The following EFCAB5 variants were observed in gnomAD, a reference collection of about 807,000 sequenced individuals.
EFCAB5 encodes the protein EF-hand calcium-binding domain-containing protein 5.
In EFCAB5, 131 loss-of-function variants were observed where a neutral mutation model predicts 167.9. That is an observed-to-expected ratio of 0.78 (90% CI 0.68 to 0.90). The LOEUF is 0.90. Ranked by LOEUF, EFCAB5 falls within the 40% of genes least tolerant of loss-of-function variation. The pLI, the probability that EFCAB5 is intolerant of heterozygous loss-of-function variation, is 0.00. For synonymous variants in EFCAB5, 574 were observed against 602.8 expected (o/e 0.95, Z 0.70); for missense variants, 1,663 against 1,745.2 (o/e 0.95, Z 0.84).
intron 22 of EFCAB5, among the ~76,000 whole-genome samples, chr17:30,096,888 C>T (rs1811639261): frequency 6.8e-6 from 1 of 147,754 alleles, no homozygotes; most frequent in South Asian, 2.1e-4. Context: ...CCATGTTGAC[C>T]AGGCTGGTCT....
chr17:30,068,435 C>A (rs1434686530), intron 14 of EFCAB5, among the ~76,000 whole-genome samples: 1 of 151,840 alleles, frequency 6.6e-6, no homozygotes, highest in Admixed American at 6.6e-5. Flanking sequence ...ATAAATATAA[C>A]CAGGGAGGTG....
chr17:29,967,848 T>C (rs1386034641), intron 3 of EFCAB5, among the ~76,000 whole-genome samples: 1 of 151,826 alleles, frequency 6.6e-6, no homozygotes, highest in Non-Finnish European at 1.5e-5. Flanking sequence ...AATATACATG[T>C]GTGGTAGACT....
chr17:30,092,089 G>A lies in EFCAB5; in HGVS notation c.4156G>A (p.Val1386Ile), dbSNP rs750071717. Residue 1386 changes from valine (V) to isoleucine (I), a missense_variant, in exon 21 of 23, where the codon GTT becomes ATT. By Grantham distance (29) the Val-to-Ile change is conservative. Coordinates refer to ENST00000394835, the MANE Select transcript of EFCAB5 (RefSeq NM_198529.4). Reference sequence around the variant, plus strand: ...ACTAGTGCGTGACATCCTGAAGGCGGTTATCTTGTTCTTTCATCCAGAGTT... The same window carrying A: ...ACTAGTGCGTGACATCCTGAAGGCGATTATCTTGTTCTTTCATCCAGAGTT... ...VKLVRDILKA[V>I]ILFFHPELEF... 1.2e-6 allele frequency: 2 copies of A among 1,613,962 alleles called. No homozygotes were observed. Among genetic ancestry groups the A allele is most frequent in the Non-Finnish European group, 8.5e-7 (1 of 1,179,878 alleles).
At chr17:29,931,686 A>C (rs1220542728) in intron 1 of EFCAB5, among the ~76,000 whole-genome samples, 2 of 152,242 alleles carry the variant, frequency 1.3e-5, no homozygotes, top group Non-Finnish European at 2.9e-5. Context: ...GAACCAATGC[A>C]TGGGAGACCA....
At chr17:30,057,214 C>T (rs976498002) in intron 12 of EFCAB5, among the ~76,000 whole-genome samples, 1 of 152,258 alleles carries the variant, frequency 6.6e-6, no homozygotes, top group South Asian at 2.1e-4. Context: ...TGTCTGTCTT[C>T]CTCTAAGCCC....
intron 22 of EFCAB5, among the ~76,000 whole-genome samples, chr17:30,104,449 T>C (rs1437081040): frequency 6.6e-6 from 1 of 152,142 alleles, no homozygotes; most frequent in East Asian, 1.9e-4. Context: ...AAAAATATCA[T>C]GTTTCTGAAC....
chr17:29,949,783 G>T (rs2151532371), intron 3 of EFCAB5, among the ~76,000 whole-genome samples: 1 of 152,302 alleles, frequency 6.6e-6, no homozygotes, highest in Non-Finnish European at 1.5e-5. Flanking sequence ...TTTGACTACA[G>T]TGGTAACCAA....
At chr17:30,041,084 G>A (rs761927145) in intron 8 of EFCAB5, among the ~76,000 whole-genome samples, 3 of 152,102 alleles carry the variant, frequency 2.0e-5, no homozygotes, top group Non-Finnish European at 4.4e-5. Context: ...TAAATATGTC[G>A]GCTTTTCCTT....
Position 30,054,112 on chromosome 17 carries a change from GA to G in EFCAB5, c.2160del (p.Val721PhefsTer4). On this transcript the variant is annotated frameshift_variant, in exon 10 of 23. Coordinates refer to ENST00000394835, the MANE Select transcript of EFCAB5 (RefSeq NM_198529.4). LOFTEE classifies it high-confidence loss of function. ...EIFLSSELQE[E>X]VPTLSRKDHF... The stretch of plus-strand genomic sequence containing the variant: ...ATTCCTGAGTTCTGAACTGCAAGAG[GA>G]AGTTCCAACCTTAAGCAGAAAAGAT... The G allele has an allele frequency of 6.4e-7, 1 of 1,573,546 alleles. No individual in the cohort carries two copies. Among genetic ancestry groups the G allele is most frequent in the Admixed American group, 1.9e-5 (1 of 52,126 alleles).
Position 29,969,231 on chromosome 17 carries a change from A to G in EFCAB5, c.631A>G (p.Ile211Val), listed in dbSNP as rs1597597094. ...EADTPSKFDP[I>V]NYLGEYLIRN... ...TGATACTCCAAGCAAGTTTGACCCA[A>G]TTAATTATTTGGGGGAATATTTAAT... Residue 211 changes from isoleucine to valine, a missense_variant, in exon 4 of 23, where the codon ATT (isoleucine) becomes GTT (valine). Ile to Val is a conservative substitution (Grantham distance 29). Transcript: ENST00000394835. 2 of 1,613,872 alleles carry G rather than the reference A, an allele frequency of 1.2e-6. No individual in the cohort carries two copies. The highest frequency in any genetic ancestry group is 2.2e-5 in the East Asian group (1 of 44,860).
intron 4 of EFCAB5, among the ~76,000 whole-genome samples, chr17:29,990,068 A>T (rs969613748): frequency 2.6e-5 from 4 of 152,256 alleles, no homozygotes; most frequent in African/African-American, 9.6e-5. Context: ...CTCCCCCCAC[A>T]ATTTATAGGT....
intron 14 of EFCAB5, among the ~76,000 whole-genome samples, chr17:30,077,874 T>G (rs1169111220): frequency 6.6e-6 from 1 of 151,764 alleles, no homozygotes; most frequent in Non-Finnish European, 1.5e-5. Context: ...AGGAGAGGAG[T>G]GGCCACACTG....
Position 29,999,996 on chromosome 17 carries a change from AT to A in EFCAB5, c.1044+21del. ...ACAGAAGTAAGAGTTACATTATTTA[AT>A]GTTTGAATTGAATTATTTTGTCAGT... On this transcript the variant is annotated intron_variant, in intron 7 of 22. Coordinates refer to ENST00000394835, the MANE Select transcript of EFCAB5 (RefSeq NM_198529.4). 1.3e-6 allele frequency: 2 copies of A among 1,511,916 alleles called. No individual in the cohort carries two copies. The highest frequency in any genetic ancestry group is 2.8e-5 in the African/African-American group (2 of 72,476). 93.7% of individuals were successfully genotyped at this position (1,511,916 alleles called of 1,614,324 possible).
chr17:30,103,375 T>C (rs892362299), intron 22 of EFCAB5, among the ~76,000 whole-genome samples: 1 of 152,056 alleles, frequency 6.6e-6, no homozygotes, highest in African/African-American at 2.4e-5. Context: ...GATTTATAGC[T>C]ACATCATTTA....
chr17:30,047,296 G>A lies in EFCAB5; in HGVS notation c.1201-3822G>A, dbSNP rs140371672. On this transcript the variant is annotated intron_variant, in intron 8 of 22. Coordinates refer to ENST00000394835, the MANE Select transcript of EFCAB5 (RefSeq NM_198529.4). ...TCTATATGTGCACTTCTACCATATCGCCCAGGACAGCCCAAATGACATTCC... is the reference window on the plus strand; with the variant it reads ...TCTATATGTGCACTTCTACCATATCACCCAGGACAGCCCAAATGACATTCC... Among the ~76,000 whole-genome samples the A allele has an allele frequency of 2.9e-3, 440 of 152,132 alleles. 3 individuals are homozygous for A. The highest frequency in any genetic ancestry group is 0.01 in the African/African-American group (417 of 41,502).
In EFCAB5 at chr17:30,055,925, T is replaced by G. The variant is rs1163881364; in HGVS notation, c.2232T>G (p.Cys744Trp). ...TKKEVQKDKPCEPKSQKIEGK... is the reference protein window; with the variant it reads ...TKKEVQKDKPWEPKSQKIEGK... Reference sequence around the variant, plus strand: ...AGGAAGTTCAGAAAGACAAGCCCTGTGAACCCAAGTCCCAAAAAATAGAAG... The same window carrying G: ...AGGAAGTTCAGAAAGACAAGCCCTGGGAACCCAAGTCCCAAAAAATAGAAG... Residue 744 changes from cysteine to tryptophan, a missense_variant, in exon 11 of 23, where the codon TGT becomes TGG. Transcript: ENST00000394835. The G allele has an allele frequency of 6.2e-7, 1 of 1,613,730 alleles. No individual in the cohort carries two copies. Among genetic ancestry groups the G allele is most frequent in the Admixed American group, 1.7e-5 (1 of 59,972 alleles).
intron 1 of EFCAB5, among the ~76,000 whole-genome samples, chr17:29,933,526 G>A (rs1197696779): frequency 1.3e-5 from 2 of 152,158 alleles, no homozygotes; most frequent in African/African-American, 4.8e-5. Flanking sequence ...GGAGAGAGAG[G>A]CCAAGAGCAG....
intron 22 of EFCAB5, among the ~76,000 whole-genome samples, chr17:30,099,275 T>C (rs897145223): frequency 2.6e-5 from 4 of 152,102 alleles, no homozygotes; most frequent in Admixed American, 6.5e-5. Context: ...AGTGAGATCC[T>C]GTCCCCACAA....
At chr17:30,000,002 G>C in intron 7 of EFCAB5, 26 bp downstream of exon 7, 12 of 1,491,836 alleles carry the variant, frequency 8.0e-6, no homozygotes, top group Non-Finnish European at 1.1e-5. Flanking sequence ...TTTAATGTTT[G>C]AATTGAATTA....
Sources: gnomAD v4.1 joint callset for allele counts (sites outside exome capture counted in the v4.1 genomes callset) on GRCh38, gnomAD v4.1.1 for gene constraint, MANE v1.5 for transcripts, NCBI Gene and HGNC (gene_info 2026-07-23, HGNC 2026-07-21) for gene names.